Variants in RGL1 observed in about 807,000 individuals in gnomAD.
RGL1 encodes the protein ral guanine nucleotide dissociation stimulator-like 1.
A neutral mutation model predicts 95.2 loss-of-function variants in RGL1; 24 were observed. That is an observed-to-expected ratio of 0.25 (90% CI 0.18 to 0.35). The LOEUF is 0.35. RGL1 is among the 10% of genes least tolerant of loss of function. The pLI, the probability that RGL1 is intolerant of heterozygous loss-of-function variation, is 1.00. For synonymous variants in RGL1, 329 were observed against 344.9 expected (o/e 0.95, Z 0.51); for missense variants, 715 against 936.3 (o/e 0.76, Z 3.08).
At chr1:183,819,204 C>G (rs569394738) in intron 2 of RGL1, among the ~76,000 whole-genome samples, 1 of 152,246 alleles carries the variant, frequency 6.6e-6, no homozygotes, top group Admixed American at 6.5e-5. Flanking sequence ...TAAGGCTTTG[C>G]CCTACATAAC....
At chr1:183,660,694 T>C (rs1431158553) in intron 1 of RGL1, among the ~76,000 whole-genome samples, 2 of 151,668 alleles carry the variant, frequency 1.3e-5, no homozygotes. Context: ...AACTCAGCTC[T>C]GCACCAAGCA....
At chr1:183,691,867 GA>G (rs1342663491) in intron 1 of RGL1, among the ~76,000 whole-genome samples, 1 of 151,966 alleles carries the variant, frequency 6.6e-6, no homozygotes, top group African/African-American at 2.4e-5. Flanking sequence ...CAAGCATTAA[GA>G]AAAATGCTCA....
At chr1:183,831,455 T>C (rs1306558890) in intron 2 of RGL1, among the ~76,000 whole-genome samples, 1 of 152,108 alleles carries the variant, frequency 6.6e-6, no homozygotes, top group Non-Finnish European at 1.5e-5. Flanking sequence ...ATTTAAAGGA[T>C]TATGGGAAGC....
At chr1:183,698,305 A>G (rs1409730594) in intron 1 of RGL1, among the ~76,000 whole-genome samples, 3 of 152,138 alleles carry the variant, frequency 2.0e-5, no homozygotes, top group Admixed American at 2.0e-4. Flanking sequence ...AGTGGCTTCC[A>G]ACTGTTGCTA....
intron 1 of RGL1, among the ~76,000 whole-genome samples, chr1:183,675,909 GC>G (rs1186811294): frequency 7.2e-5 from 11 of 152,176 alleles, no homozygotes; most frequent in African/African-American, 2.7e-4. Context: ...GCTTTGAGAG[GC>G]TGAGGCAGGA....
At chr1:183,641,168 T>A (rs1455042119) in intron 1 of RGL1, among the ~76,000 whole-genome samples, 6 of 152,208 alleles carry the variant, frequency 3.9e-5, no homozygotes, top group Admixed American at 2.6e-4. Flanking sequence ...AAGATCTCAC[T>A]CTGTTGCCTA....
intron 11 of RGL1, among the ~76,000 whole-genome samples, chr1:183,901,224 G>A (rs950970149): frequency 2.0e-5 from 3 of 152,052 alleles, no homozygotes; most frequent in Non-Finnish European, 2.9e-5. Context: ...GCTTGAACCC[G>A]AGAGGCGGAG....
At chr1:183,925,988 C>G (rs1418012875) in intron 17 of RGL1, 117 bp from the exon 18 acceptor site, 5 of 802,642 alleles carry the variant, frequency 6.2e-6, no homozygotes, top group Non-Finnish European at 9.5e-6. Context: ...AGGTCACATT[C>G]CAGAGATGAA....
chr1:183,863,535 C>A (rs143787324), intron 3 of RGL1, among the ~76,000 whole-genome samples: 1 of 152,138 alleles, frequency 6.6e-6, no homozygotes. Context: ...ATTGCTCTGG[C>A]TACTGGGCAG....
intron 1 of RGL1, among the ~76,000 whole-genome samples, chr1:183,650,103 A>G (rs1281005153): frequency 6.6e-6 from 1 of 152,000 alleles, no homozygotes; most frequent in Non-Finnish European, 1.5e-5. Flanking sequence ...GTGAACCACC[A>G]TGTCCAGCCT....
chr1:183,827,344 TTTAACCCAAAGGTGTGGAA>T (rs1662937250), intron 2 of RGL1, among the ~76,000 whole-genome samples: 3 of 152,242 alleles, frequency 2.0e-5, no homozygotes, highest in Admixed American at 6.5e-5. Context: ...CTCAGAGACC[TTTAACCCAAAGGTGTGGAA>T]TTAACCCAAA....
intron 1 of RGL1, among the ~76,000 whole-genome samples, chr1:183,806,106 CTATT>C (rs919161641): frequency 6.7e-6 from 1 of 148,472 alleles, no homozygotes; most frequent in African/African-American, 2.5e-5. Context: ...CAAAACAAAA[CTATT>C]TAAGATATGT....
chr1:183,814,242 G>C (rs1369199481), intron 2 of RGL1, among the ~76,000 whole-genome samples: 1 of 152,092 alleles, frequency 6.6e-6, no homozygotes, highest in Non-Finnish European at 1.5e-5. Flanking sequence ...TGATCCTTTT[G>C]TCTTGTCATT....
chr1:183,781,791 A>G (rs1404746187), intron 2 of RGL1, among the ~76,000 whole-genome samples: 1 of 152,190 alleles, frequency 6.6e-6, no homozygotes, highest in African/African-American at 2.4e-5. Context: ...ACAGTAATCC[A>G]TTACATGGAT....
intron 2 of RGL1, among the ~76,000 whole-genome samples, chr1:183,781,548 C>T (rs1256035184): frequency 6.6e-6 from 1 of 152,136 alleles, no homozygotes; most frequent in Non-Finnish European, 1.5e-5. Context: ...CCCATCTGAT[C>T]CATTTACTGA....
intron 1 of RGL1, among the ~76,000 whole-genome samples, chr1:183,687,432 G>A (rs570891703): frequency 9.9e-5 from 15 of 152,156 alleles, no homozygotes; most frequent in East Asian, 3.8e-4. Context: ...TTTGTATAGC[G>A]TTGAAAGAAC....
intron 1 of RGL1, among the ~76,000 whole-genome samples, chr1:183,718,393 C>T (rs1237288966): frequency 6.6e-6 from 1 of 152,288 alleles, no homozygotes; most frequent in East Asian, 1.9e-4. Flanking sequence ...AGTCACCATA[C>T]ACTAGAAATT....
intron 16 of RGL1, among the ~76,000 whole-genome samples, chr1:183,920,123 C>T (rs752632737): frequency 6.6e-6 from 1 of 152,056 alleles, no homozygotes; most frequent in Non-Finnish European, 1.5e-5. Flanking sequence ...CAACCTCTGC[C>T]TCCCTGGTTC....
intron 1 of RGL1, among the ~76,000 whole-genome samples, chr1:183,645,742 G>C (rs900890531): frequency 7.2e-5 from 11 of 152,242 alleles, no homozygotes; most frequent in Non-Finnish European, 2.9e-5. Flanking sequence ...GAACCTTAAA[G>C]ATGAACTAGC....
Sources: gnomAD v4.1 joint callset for allele counts (sites outside exome capture counted in the v4.1 genomes callset) on GRCh38, gnomAD v4.1.1 for gene constraint, MANE v1.5 for transcripts, NCBI Gene and HGNC (gene_info 2026-07-23, HGNC 2026-07-21) for gene names.